ARHGAP39: variants seen among roughly 807,000 people sequenced by gnomAD.
The protein encoded by ARHGAP39 is Rho GTPase activating protein 39, also known as rho GTPase-activating protein 39.
In ARHGAP39, 44 loss-of-function variants were observed where a neutral mutation model predicts 106.9. That is an observed-to-expected ratio of 0.41 (90% CI 0.32 to 0.53). ARHGAP39 has a LOEUF of 0.53. ARHGAP39 is among the 20% of genes least tolerant of loss of function. ARHGAP39 has a pLI of 0.21. For synonymous variants in ARHGAP39, 768 were observed against 693.2 expected (o/e 1.11, Z -1.69); for missense variants, 1,496 against 1,577.3 (o/e 0.95, Z 0.87).
chr8:144,676,444 C>T (rs979184558), intron 1 of ARHGAP39, among the ~76,000 whole-genome samples: 1 of 125,748 alleles, frequency 8.0e-6, no homozygotes, highest in Non-Finnish European at 1.5e-5. Context: ...CGTTTACAAA[C>T]CTTGAGCTAG....
intron 4 of ARHGAP39, among the ~76,000 whole-genome samples, chr8:144,554,074 C>G (rs926049888): frequency 6.6e-6 from 1 of 152,238 alleles, no homozygotes; most frequent in Non-Finnish European, 1.5e-5. Flanking sequence ...GTGAAAGGTG[C>G]CAGCCTCTGA....
chr8:144,653,170 C>T (rs1199570413), intron 1 of ARHGAP39, among the ~76,000 whole-genome samples: 2 of 152,124 alleles, frequency 1.3e-5, no homozygotes, highest in Non-Finnish European at 2.9e-5. Context: ...GTGGCATGTG[C>T]CTGTAATCCC....
intron 2 of ARHGAP39, among the ~76,000 whole-genome samples, chr8:144,598,021 C>G (rs1343451694): frequency 6.6e-6 from 1 of 152,204 alleles, no homozygotes; most frequent in Admixed American, 6.5e-5. Context: ...TCAAACCCAC[C>G]AGGTAGGAAG....
chr8:144,537,049 G>C (rs1291185514), intron 7 of ARHGAP39, among the ~76,000 whole-genome samples: 1 of 152,202 alleles, frequency 6.6e-6, no homozygotes, highest in Non-Finnish European at 1.5e-5. Context: ...TGTGTGCATG[G>C]GTGTGAGCGC....
chr8:144,630,035 C>A (rs1488929701), intron 1 of ARHGAP39, among the ~76,000 whole-genome samples: 1 of 152,188 alleles, frequency 6.6e-6, no homozygotes, highest in Non-Finnish European at 1.5e-5. Flanking sequence ...TGAACCCCAG[C>A]CCCAACAGGC....
Position 144,548,196 on chromosome 8 carries a change from C to G in ARHGAP39, c.890G>C (p.Gly297Ala). 6.3e-7 allele frequency: 1 copy of G among 1,589,842 alleles called. No individual in the cohort carries two copies. Residue 297 changes from glycine (G) to alanine (A), a missense_variant, in exon 5 of 12, where the codon GGG (glycine) becomes GCG (alanine). Gly to Ala is a moderately conservative substitution (Grantham distance 60). This residue lies in a region of ARHGAP39 where 905 missense variants were observed against 816.4 expected (regional missense o/e 1.11). Coordinates refer to ENST00000377307, the MANE Select transcript of ARHGAP39 (RefSeq NM_025251.3). The surrounding 1 kb of genome is among the most constrained non-coding windows in gnomAD (Gnocchi z 7.4). ...GCGCGGGGAGGAGGGCTGCGAGTCC[C>G]CGGAGGGCTTTCGGGGCTGGGCCAG... ...PLLAQPRKPS[G>A]DSQPSSPRYG...
At chr8:144,557,125 G>A (rs368755128) in intron 3 of ARHGAP39, among the ~76,000 whole-genome samples, 2 of 144,900 alleles carry the variant, frequency 1.4e-5, no homozygotes, top group Non-Finnish European at 3.0e-5. Flanking sequence ...AGAGGCAAAG[G>A]CTGAACCTTC....
intron 1 of ARHGAP39, among the ~76,000 whole-genome samples, chr8:144,624,287 C>T (rs1377743219): frequency 6.6e-6 from 1 of 152,178 alleles, no homozygotes; most frequent in Non-Finnish European, 1.5e-5. Flanking sequence ...CACTTTTGGG[C>T]TTGGACAAAA....
At chr8:144,550,646 C>T (rs931534454) in intron 4 of ARHGAP39, among the ~76,000 whole-genome samples, 4 of 152,250 alleles carry the variant, frequency 2.6e-5, no homozygotes, top group African/African-American at 9.6e-5. Flanking sequence ...GGCCACACCA[C>T]CCAGGCGAGA....
At chr8:144,555,995 A>G (rs1817902557) in intron 3 of ARHGAP39, among the ~76,000 whole-genome samples, 1 of 152,238 alleles carries the variant, frequency 6.6e-6, no homozygotes, top group African/African-American at 2.4e-5. Context: ...GGCTAGAAAT[A>G]GCCTTGGAGA....
At chr8:144,595,029 C>T (rs1563693765) in intron 2 of ARHGAP39, among the ~76,000 whole-genome samples, 1 of 152,164 alleles carries the variant, frequency 6.6e-6, no homozygotes, top group Admixed American at 6.5e-5. Flanking sequence ...CAAGTACCAA[C>T]CTTTCTCAAA....
intron 3 of ARHGAP39, among the ~76,000 whole-genome samples, chr8:144,575,882 G>T (rs1289437996): frequency 7.2e-5 from 11 of 152,274 alleles, no homozygotes; most frequent in Middle Eastern, 3.4e-3. Flanking sequence ...CACAACCATG[G>T]TAGGTCATAG....
chr8:144,546,747 C>T (rs1171051121), intron 5 of ARHGAP39, among the ~76,000 whole-genome samples: 2 of 152,208 alleles, frequency 1.3e-5, no homozygotes, highest in Non-Finnish European at 2.9e-5. Flanking sequence ...CACCAGGGAA[C>T]CCCCGACACC....
intron 2 of ARHGAP39, among the ~76,000 whole-genome samples, chr8:144,581,997 C>T (rs568201507): frequency 5.9e-5 from 9 of 152,338 alleles, no homozygotes; most frequent in African/African-American, 1.9e-4. Context: ...TCTCTTAACC[C>T]TGCGACAGGC....
chr8:144,545,152 G>A (rs1468239555), intron 6 of ARHGAP39, 97 bp downstream of exon 6: 2 of 1,191,758 alleles, frequency 1.7e-6, no homozygotes, highest in Non-Finnish European at 2.2e-6. Context: ...CCTGTGTGGA[G>A]GGCCGCCAGG....
At chr8:144,543,689 G>C (rs917325300) in intron 6 of ARHGAP39, among the ~76,000 whole-genome samples, 2 of 152,234 alleles carry the variant, frequency 1.3e-5, no homozygotes, top group Non-Finnish European at 2.9e-5. Context: ...TAAGGCACAA[G>C]GACAAAGGCA....
At chr8:144,622,127 G>A (rs1019250222) in intron 1 of ARHGAP39, among the ~76,000 whole-genome samples, 19 of 152,260 alleles carry the variant, frequency 1.2e-4, no homozygotes, top group South Asian at 8.3e-4. Flanking sequence ...AGCCCCCCAC[G>A]GCCTCGTGCC....
intron 1 of ARHGAP39, among the ~76,000 whole-genome samples, chr8:144,615,035 T>C (rs776495272): frequency 3.9e-5 from 6 of 152,210 alleles, no homozygotes; most frequent in Non-Finnish European, 2.9e-5. Flanking sequence ...CTTACGAGTC[T>C]GGATCATGGG....
chr8:144,617,063 G>A (rs907229848), intron 1 of ARHGAP39, among the ~76,000 whole-genome samples: 6 of 152,030 alleles, frequency 3.9e-5, no homozygotes, highest in African/African-American at 1.2e-4. Flanking sequence ...AAAATTAACT[G>A]GGAATGATGG....
Sources: gnomAD v4.1 joint callset for allele counts (sites outside exome capture counted in the v4.1 genomes callset) on GRCh38, gnomAD v4.1.1 for gene constraint, gnomAD v4.1.1 regional missense constraint, Gnocchi (gnomAD v3.1) non-coding constraint, MANE v1.5 for transcripts, NCBI Gene and HGNC (gene_info 2026-07-23, HGNC 2026-07-21) for gene names.